The following PCDH15 variants were observed in gnomAD, a reference collection of about 807,000 sequenced individuals.
The protein encoded by PCDH15 is protocadherin related 15.
Under a neutral mutation model 178.5 loss-of-function variants are expected in PCDH15, and 129 were observed. The observed-to-expected ratio is 0.72, with a 90% CI of 0.63 to 0.84. The LOEUF (loss-of-function observed/expected upper bound fraction) is 0.84, where lower values mean the gene tolerates loss of function less well. Ranked by LOEUF, PCDH15 falls within the 40% of genes least tolerant of loss-of-function variation. The pLI is 0.00. For synonymous variants in PCDH15, 800 were observed against 732.0 expected (o/e 1.09, Z -1.50); for missense variants, 2,230 against 2,099.9 (o/e 1.06, Z -1.21).
chr10:55,442,433 A>G (rs1839209170), intron 2 of PCDH15, among the ~76,000 whole-genome samples: 1 of 142,430 alleles, frequency 7.0e-6, no homozygotes, highest in African/African-American at 2.6e-5. Context: ...ATAAAATAGA[A>G]ATAGATGTTT....
chr10:55,535,150 T>C (rs957218463), intron 2 of PCDH15, among the ~76,000 whole-genome samples: 1 of 152,054 alleles, frequency 6.6e-6, no homozygotes, highest in East Asian at 1.9e-4. Context: ...AATCTGCACA[T>C]GTATCTCCTG....
chr10:54,425,240 C>G (rs1446135571), intron 3 of PCDH15, among the ~76,000 whole-genome samples: 3 of 151,998 alleles, frequency 2.0e-5, no homozygotes, highest in Admixed American at 2.0e-4. Context: ...CATGAAAGTT[C>G]CTCCCTCATG....
intron 9 of PCDH15, among the ~76,000 whole-genome samples, chr10:54,224,908 T>C (rs1435254665): frequency 6.6e-6 from 1 of 152,116 alleles, no homozygotes; most frequent in African/African-American, 2.4e-5. Flanking sequence ...CAAAACTTCT[T>C]TTTCAGCTAC....
intron 15 of PCDH15, among the ~76,000 whole-genome samples, chr10:54,107,448 G>A (rs550388942): frequency 6.6e-6 from 1 of 152,294 alleles, no homozygotes; most frequent in Non-Finnish European, 1.5e-5. Flanking sequence ...CCCAGAGGGG[G>A]AGGAACATGC....
chr10:54,023,027 G>C lies in PCDH15; in HGVS notation c.2391C>G (p.His797Gln), dbSNP rs748017277. 1 of 1,613,950 alleles carries C rather than the reference G, an allele frequency of 6.2e-7. No homozygotes were observed. The highest frequency in any genetic ancestry group is 2.2e-5 in the East Asian group (1 of 44,864). ...CCAAGGTTAGAGTTGAATGACGAGG[G>C]TGTACTGCTCCATCTGTTGCCACAA... ...LVVVATDGAV[H>Q]PRHSTLTLAI... Residue 797 changes from histidine (H) to glutamine (Q), a missense_variant, in exon 19 of 38, where the codon CAC becomes CAG. Coordinates refer to ENST00000644397, the MANE Select transcript of PCDH15 (RefSeq NM_001384140.1).
At chr10:54,768,630 C>G (rs1948764850) in intron 1 of PCDH15, among the ~76,000 whole-genome samples, 1 of 152,088 alleles carries the variant, frequency 6.6e-6, no homozygotes, top group Non-Finnish European at 1.5e-5. Flanking sequence ...CCCCATATCC[C>G]AAATAATTGG....
chr10:54,587,575 C>T (rs987954155), intron 2 of PCDH15, among the ~76,000 whole-genome samples: 1 of 151,538 alleles, frequency 6.6e-6, no homozygotes, highest in Admixed American at 6.6e-5. Context: ...TACAGAGATA[C>T]TTAACAATAT....
At chr10:55,415,334 G>A (rs1838452809) in intron 2 of PCDH15, among the ~76,000 whole-genome samples, 1 of 151,550 alleles carries the variant, frequency 6.6e-6, no homozygotes, top group South Asian at 2.1e-4. Context: ...AACTATCAGA[G>A]CACTGCTAAA....
chr10:54,716,725 C>A (rs1426415866), intron 1 of PCDH15, among the ~76,000 whole-genome samples: 4 of 151,950 alleles, frequency 2.6e-5, no homozygotes, highest in African/African-American at 9.7e-5. Context: ...CATCAAGCTA[C>A]CAATGACTTT....
intron 1 of PCDH15, among the ~76,000 whole-genome samples, chr10:54,735,833 A>G (rs1944036079): frequency 8.6e-6 from 1 of 116,388 alleles, no homozygotes; most frequent in Non-Finnish European, 1.8e-5. Flanking sequence ...ACATGGACAC[A>G]GGAAGGGGAA....
At chr10:55,326,609 G>C in intron 2 of PCDH15, among the ~76,000 whole-genome samples, 1 of 151,922 alleles carries the variant, frequency 6.6e-6, no homozygotes, top group East Asian at 1.9e-4. Flanking sequence ...TAAATAGTAA[G>C]TCATATTTTA....
At chr10:55,072,432 T>G (rs865987397) in intron 2 of PCDH15, among the ~76,000 whole-genome samples, 3 of 151,960 alleles carry the variant, frequency 2.0e-5, no homozygotes, top group African/African-American at 7.2e-5. Flanking sequence ...ACCGATCCCA[T>G]AGAAATACAA....
intron 3 of PCDH15, among the ~76,000 whole-genome samples, chr10:54,840,178 G>A (rs1364328805): frequency 1.3e-5 from 2 of 151,964 alleles, no homozygotes; most frequent in Admixed American, 6.6e-5. Context: ...TATAATGACC[G>A]AGCATGAATC....
intron 3 of PCDH15, among the ~76,000 whole-genome samples, chr10:54,894,418 T>C (rs1954514622): frequency 6.6e-6 from 1 of 152,118 alleles, no homozygotes; most frequent in Non-Finnish European, 1.5e-5. Flanking sequence ...ACAGAAATTA[T>C]TTTATGAACC....
rs922050304 is a variant in PCDH15 at position 54,409,960 on chromosome 10, A to T, written c.158-31018T>A. ...TTCCAAGCCTCCAGAACCATAAGAAATATTTTTTTTCTTTATTAATTACCC... is the reference window on the plus strand; with the variant it reads ...TTCCAAGCCTCCAGAACCATAAGAATTATTTTTTTTCTTTATTAATTACCC... On this transcript the variant is annotated intron_variant, in intron 3 of 37. Transcript: ENST00000644397. 2.1e-4 allele frequency among the ~76,000 whole-genome samples: 32 copies of T among 152,204 alleles called. 1 individual carries two copies. The highest frequency in any genetic ancestry group is 6.3e-4 in the African/African-American group (26 of 41,548).
chr10:54,048,321 T>C (rs1290756845), intron 18 of PCDH15, among the ~76,000 whole-genome samples: 2 of 152,184 alleles, frequency 1.3e-5, no homozygotes, highest in Non-Finnish European at 2.9e-5. Flanking sequence ...AAAAGCTGCA[T>C]AGTTAGCAAA....
At chr10:54,458,831 T>A (rs1332196825) in intron 3 of PCDH15, among the ~76,000 whole-genome samples, 2 of 152,196 alleles carry the variant, frequency 1.3e-5, no homozygotes, top group Admixed American at 6.6e-5. Flanking sequence ...TGTCTGACCT[T>A]GAGCAAGTTA....
chr10:54,537,696 A>G (rs1310536756), intron 2 of PCDH15, among the ~76,000 whole-genome samples: 1 of 152,132 alleles, frequency 6.6e-6, no homozygotes, highest in East Asian at 1.9e-4. Flanking sequence ...AGAATCTCCA[A>G]ATTTCCACAT....
At chr10:54,555,585 A>T (rs558867579) in intron 2 of PCDH15, among the ~76,000 whole-genome samples, 1 of 151,068 alleles carries the variant, frequency 6.6e-6, no homozygotes, top group African/African-American at 2.4e-5. Flanking sequence ...CAAAAAAAAA[A>T]AATTGGCCGG....
Sources: allele counts gnomAD v4.1 joint callset (sites outside exome capture counted in the v4.1 genomes callset), GRCh38; gene constraint gnomAD v4.1.1; transcripts MANE v1.5; gene names NCBI Gene and HGNC (gene_info 2026-07-23, HGNC 2026-07-21).